Variants in OTOGL observed in about 807,000 individuals in gnomAD.
OTOGL encodes otogelin-like protein.
A neutral mutation model predicts 318.5 loss-of-function variants in OTOGL; 285 were observed. The observed-to-expected ratio is 0.89, with a 90% CI of 0.81 to 0.99. OTOGL has a LOEUF of 0.99. Ranked by LOEUF, OTOGL falls within the 50% of genes least tolerant of loss-of-function variation. OTOGL has a pLI of 0.00. For missense variants in OTOGL, 2,899 were observed against 2,845.6 expected (o/e 1.02, Z -0.43); for synonymous variants, 987 against 936.5 (o/e 1.05, Z -0.99).
At chr12:80,284,123 G>A (rs1056758104) in intron 26 of OTOGL, among the ~76,000 whole-genome samples, 8 of 152,094 alleles carry the variant, frequency 5.3e-5, no homozygotes, top group Admixed American at 1.3e-4. Flanking sequence ...GCGAGAACAT[G>A]TGGTGTTTGG....
At chr12:80,375,284 C>T (rs778391438) in intron 57 of OTOGL, among the ~76,000 whole-genome samples, 1 of 152,130 alleles carries the variant, frequency 6.6e-6, no homozygotes, top group Non-Finnish European at 1.5e-5. Context: ...ACAAACTCAG[C>T]TAATGATAAA....
intron 1 of OTOGL, among the ~76,000 whole-genome samples, chr12:80,168,491 T>G (rs1873976387): frequency 6.6e-6 from 1 of 152,136 alleles, no homozygotes; most frequent in African/African-American, 2.4e-5. Flanking sequence ...GATATGAAAA[T>G]GATAAAAGTC....
intron 1 of OTOGL, among the ~76,000 whole-genome samples, chr12:80,127,614 G>T (rs2137112853): frequency 6.6e-6 from 1 of 152,290 alleles, no homozygotes; most frequent in East Asian, 1.9e-4. Context: ...AAGTTCTCCT[G>T]CATAATATCC....
At chr12:80,207,096 A>G (rs1876865163) in intron 1 of OTOGL, among the ~76,000 whole-genome samples, 1 of 152,190 alleles carries the variant, frequency 6.6e-6, no homozygotes, top group Admixed American at 6.5e-5. Flanking sequence ...TTTTTTACCA[A>G]GTTCTAGTAG....
In OTOGL at chr12:80,332,056, CAG is replaced by C. The variant is rs1486750857; in HGVS notation, c.4349-946_4349-945del. Among the ~76,000 whole-genome samples the C allele has an allele frequency of 4.6e-5, 7 of 152,308 alleles. No homozygotes were observed. The South Asian group carries it at 6.2e-4, about 14-fold the overall frequency. On this transcript the variant is annotated intron_variant, in intron 37 of 58. Transcript: ENST00000547103. ...ATAGAAGCTGGAAGAGACCAGGAAA[CAG>C]AGTCTCCCTTAGAGCCTCCAGAAGG...
intron 24 of OTOGL, among the ~76,000 whole-genome samples, chr12:80,277,858 AT>A (rs1001083503): frequency 1.3e-5 from 2 of 151,138 alleles, no homozygotes; most frequent in South Asian, 2.1e-4. Context: ...TCCTCTATAA[AT>A]TTTTTTTCGG....
In OTOGL at chr12:80,251,755, C is replaced by T. The variant is rs1881572032; in HGVS notation, c.1115C>T (p.Ala372Val). The T allele has an allele frequency of 1.9e-6, 3 of 1,592,212 alleles. No homozygotes were observed. The highest frequency in any genetic ancestry group is 1.1e-5 in the South Asian group (1 of 87,156). The change falls in exon 12 of 59, where the codon GCT becomes GTT. Residue 372 changes from alanine (A) to valine (V), a missense_variant. By Grantham distance (64) the Ala-to-Val change is moderately conservative. This residue lies in a region of OTOGL where 2,607 missense variants were observed against 2,524.9 expected (regional missense o/e 1.03). Coordinates refer to ENST00000547103, the MANE Select transcript of OTOGL (RefSeq NM_001378609.3). ...GAGTATGCTAGAGCCTGCTCTCATG[C>T]TGGCTACCCTATTCAAGACTGGAGA... ...ATEYARACSH[A>V]GYPIQDWRDD...
chr12:80,275,508 A>C (rs1883735587), intron 24 of OTOGL, among the ~76,000 whole-genome samples: 1 of 151,988 alleles, frequency 6.6e-6, no homozygotes, highest in South Asian at 2.1e-4. Context: ...AGATGCTGTG[A>C]ACATTGTCAG....
chr12:80,166,993 G>A (rs1001057338), intron 1 of OTOGL, among the ~76,000 whole-genome samples: 1 of 152,114 alleles, frequency 6.6e-6, no homozygotes, highest in East Asian at 1.9e-4. Context: ...TGAATTTCGG[G>A]GAGGAATAAC....
intron 1 of OTOGL, among the ~76,000 whole-genome samples, chr12:80,146,136 A>G (rs984943559): frequency 4.7e-5 from 7 of 149,656 alleles, no homozygotes; most frequent in Non-Finnish European, 1.0e-4. Flanking sequence ...GTCTTGTGCC[A>G]GTTTTCAAAG....
chr12:80,366,488 A>C, intron 52 of OTOGL, 86 bp from the exon 53 acceptor site: 1 of 200,904 alleles, frequency 5.0e-6, no homozygotes, highest in South Asian at 1.0e-4. Flanking sequence ...ATATATATAT[A>C]TCAATTGTTT....
chr12:80,168,033 C>T (rs1022834920), intron 1 of OTOGL, among the ~76,000 whole-genome samples: 1 of 151,834 alleles, frequency 6.6e-6, no homozygotes, highest in Non-Finnish European at 1.5e-5. Flanking sequence ...TCTCGGCTCA[C>T]TGCAGCCTCA....
chr12:80,177,921 A>G (rs1874634770), intron 1 of OTOGL, among the ~76,000 whole-genome samples: 1 of 152,154 alleles, frequency 6.6e-6, no homozygotes, highest in Admixed American at 6.5e-5. Context: ...CTGATGCCCT[A>G]TGAATTACAA....
chr12:80,311,139 G>A (rs1592693381), intron 30 of OTOGL, among the ~76,000 whole-genome samples: 1 of 152,254 alleles, frequency 6.6e-6, no homozygotes, highest in East Asian at 1.9e-4. Context: ...ATCCCAAGAT[G>A]GAATGTACTT....
At chr12:80,121,343 C>T (rs1329803479) in intron 1 of OTOGL, among the ~76,000 whole-genome samples, 1 of 152,254 alleles carries the variant, frequency 6.6e-6, no homozygotes, top group East Asian at 1.9e-4. Context: ...ACAAAGGCTA[C>T]CTTTCAAGCA....
chr12:80,266,347 T>C, intron 20 of OTOGL, 104 bp from the exon 21 acceptor site: 1 of 1,225,190 alleles, frequency 8.2e-7, no homozygotes, highest in Non-Finnish European at 1.1e-6. Flanking sequence ...TTCCTTGCCT[T>C]GTAACAGGCC....
intron 54 of OTOGL, 109 bp downstream of exon 54, chr12:80,367,848 T>A: frequency 1.4e-6 from 1 of 734,904 alleles, no homozygotes; most frequent in Non-Finnish European, 2.0e-6. Context: ...ATATATTATA[T>A]AGTTCTTCAA....
chr12:80,347,242 A>C (rs1017722811), intron 44 of OTOGL, among the ~76,000 whole-genome samples: 1 of 151,828 alleles, frequency 6.6e-6, no homozygotes, highest in Non-Finnish European at 1.5e-5. Context: ...TGCACCCAAC[A>C]ACCCATCAAC....
At chr12:80,306,751 T>A (rs1159506616) in intron 29 of OTOGL, among the ~76,000 whole-genome samples, 1 of 146,526 alleles carries the variant, frequency 6.8e-6, no homozygotes, top group African/African-American at 2.5e-5. Flanking sequence ...TCTCTGCAAA[T>A]GAATTAAGAA....
Sources: allele counts gnomAD v4.1 joint callset (sites outside exome capture counted in the v4.1 genomes callset), GRCh38; gene constraint gnomAD v4.1.1; regional missense constraint gnomAD v4.1.1; transcripts MANE v1.5; gene names NCBI Gene and HGNC (gene_info 2026-07-23, HGNC 2026-07-21).